EXOC6: variants seen among roughly 807,000 people sequenced by gnomAD.
EXOC6 encodes the protein exocyst complex component 6.
A neutral mutation model predicts 112.5 loss-of-function variants in EXOC6; 60 were observed. The ratio of observed to expected loss-of-function variants is 0.53; its 90% CI spans 0.43 to 0.66. The LOEUF (loss-of-function observed/expected upper bound fraction) is 0.66. EXOC6 is among the 30% of genes least tolerant of loss of function. The pLI is 0.00. For synonymous variants in EXOC6, 295 were observed against 308.0 expected (o/e 0.96, Z 0.44); for missense variants, 855 against 957.1 (o/e 0.89, Z 1.41).
chr10:92,832,069 T>G (rs961352510), upstream of EXOC6, among the ~76,000 whole-genome samples: 1 of 152,238 alleles, frequency 6.6e-6, no homozygotes, highest in Non-Finnish European at 1.5e-5. Context: ...CAATGTAATA[T>G]AGTGATGCTG....
intron 18 of EXOC6, among the ~76,000 whole-genome samples, chr10:92,983,626 T>C (rs970444275): frequency 2.0e-5 from 3 of 151,438 alleles, no homozygotes; most frequent in Non-Finnish European, 4.4e-5. Context: ...TGCCCCAGCC[T>C]CCTGAGTAGC....
intron 1 of EXOC6, among the ~76,000 whole-genome samples, chr10:92,856,104 T>G (rs1847589335): frequency 1.3e-5 from 2 of 152,116 alleles, no homozygotes; most frequent in African/African-American, 2.4e-5. Context: ...CCTCAGGTGA[T>G]CTGCCTGCCT....
chr10:92,903,216 A>ATT (rs946589663), intron 5 of EXOC6, among the ~76,000 whole-genome samples: 7 of 152,214 alleles, frequency 4.6e-5, no homozygotes, highest in Admixed American at 4.6e-4. Flanking sequence ...TTAGCAATGT[A>ATT]TTAATATAAG....
At chr10:93,031,180 G>A (rs1845254113) in intron 20 of EXOC6, among the ~76,000 whole-genome samples, 1 of 151,940 alleles carries the variant, frequency 6.6e-6, no homozygotes, top group Non-Finnish European at 1.5e-5. Context: ...AGGTAAGAGG[G>A]GAAATTTACA....
intron 18 of EXOC6, among the ~76,000 whole-genome samples, chr10:92,991,822 TGGAA>T (rs1843276664): frequency 6.6e-6 from 1 of 151,988 alleles, no homozygotes. Context: ...TGGTAATTGT[TGGAA>T]GGAGAACAAC....
chr10:92,894,119 C>G (rs1849636144), intron 2 of EXOC6, among the ~76,000 whole-genome samples: 1 of 152,038 alleles, frequency 6.6e-6, no homozygotes, highest in African/African-American at 2.4e-5. Context: ...CCTGGTTCAC[C>G]AAAGGTTATG....
chr10:92,983,830 T>C (rs75147054), intron 18 of EXOC6, among the ~76,000 whole-genome samples: 1,624 of 152,282 alleles, frequency 0.011, 34 homozygotes, highest in African/African-American at 0.037. Context: ...AAAATAGTTA[T>C]ACTGTACTTC....
intron 18 of EXOC6, among the ~76,000 whole-genome samples, chr10:92,977,667 G>A (rs1206494394): frequency 6.6e-6 from 1 of 151,760 alleles, no homozygotes; most frequent in East Asian, 1.9e-4. Flanking sequence ...ACACATGTAC[G>A]TGCTTGCAGA....
Position 92,912,033 on chromosome 10 carries a change from G to A in EXOC6, c.663+2402G>A, listed in dbSNP as rs1850815069. Among the ~76,000 whole-genome samples, 3 of 150,616 alleles carry A rather than the reference G, an allele frequency of 2.0e-5. No homozygotes were observed. The South Asian group carries it at 6.3e-4, about 32-fold the overall frequency. ...CATCAGCTGTGCTCAGTTTGGCAGAGTCACAGTTTAGTTCTGGAATCTTCT... is the reference window on the plus strand; with the variant it reads ...CATCAGCTGTGCTCAGTTTGGCAGAATCACAGTTTAGTTCTGGAATCTTCT... On this transcript the variant is annotated intron_variant, in intron 6 of 21. Coordinates refer to ENST00000260762, the MANE Select transcript of EXOC6 (RefSeq NM_019053.6).
chr10:92,867,405 T>A (rs961141661), intron 1 of EXOC6, among the ~76,000 whole-genome samples: 2 of 152,012 alleles, frequency 1.3e-5, no homozygotes, highest in African/African-American at 4.8e-5. Context: ...GTAGAGAGGA[T>A]GGGGGAAGCG....
intron 9 of EXOC6, among the ~76,000 whole-genome samples, chr10:92,931,115 G>GAAAAAAAAAAA: frequency 1.4e-5 from 1 of 70,602 alleles, no homozygotes; most frequent in African/African-American, 5.1e-5. Flanking sequence ...CATCTCAGAA[G>GAAAAAAAAAAA]AAAAAAAAAA....
chr10:92,939,055 T>C (rs141383698), intron 12 of EXOC6, among the ~76,000 whole-genome samples: 229 of 152,130 alleles, frequency 1.5e-3, no homozygotes, highest in Non-Finnish European at 2.9e-3. Flanking sequence ...AACTGTAGAA[T>C]AGCGCTGTGA....
chr10:92,896,976 CT>C (rs1421520728), intron 4 of EXOC6, among the ~76,000 whole-genome samples: 2 of 152,030 alleles, frequency 1.3e-5, no homozygotes, highest in Admixed American at 6.5e-5. Flanking sequence ...AAAATGTTGG[CT>C]TATTATGTTA....
chr10:93,007,055 A>G (rs1244484145), intron 19 of EXOC6, among the ~76,000 whole-genome samples: 1 of 150,990 alleles, frequency 6.6e-6, no homozygotes, highest in African/African-American at 2.4e-5. Flanking sequence ...TACATTGTAA[A>G]CAATCTACAT....
At chr10:92,938,617 A>G (rs902413545) in intron 12 of EXOC6, among the ~76,000 whole-genome samples, 2 of 152,164 alleles carry the variant, frequency 1.3e-5, no homozygotes, top group Non-Finnish European at 2.9e-5. Flanking sequence ...CTATTAGGCA[A>G]ATAACAAGTA....
Position 92,874,569 on chromosome 10 carries a change from T to C in EXOC6, c.102-18780T>C, listed in dbSNP as rs558516356. Among the ~76,000 whole-genome samples the C allele has an allele frequency of 2.0e-5, 3 of 152,298 alleles. No homozygotes were observed. The South Asian group carries it at 6.2e-4, about 32-fold the overall frequency. ...TAATTGTAAGAAATGTGTGTGTGTG[T>C]GTGCACCCCCACACATGCACACCCA... On this transcript the variant is annotated intron_variant, in intron 1 of 21. Transcript: ENST00000260762.
At chr10:92,959,877 G>T (rs1033158482) in intron 17 of EXOC6, among the ~76,000 whole-genome samples, 1 of 152,220 alleles carries the variant, frequency 6.6e-6, no homozygotes, top group Non-Finnish European at 1.5e-5. Context: ...TGACAGGGAT[G>T]TGGAGCAACA....
intron 18 of EXOC6, among the ~76,000 whole-genome samples, chr10:92,988,887 A>C (rs1416863712): frequency 6.6e-6 from 1 of 151,918 alleles, no homozygotes; most frequent in Non-Finnish European, 1.5e-5. Context: ...TGGCATATTC[A>C]TTGTGTCTTG....
intron 20 of EXOC6, 51 bp downstream of exon 20, chr10:93,014,318 C>T (rs1390721778): frequency 2.8e-6 from 4 of 1,416,478 alleles, no homozygotes; most frequent in Non-Finnish European, 3.0e-6. Flanking sequence ...CTCTTGCCCT[C>T]CCCTCACTTT....
Sources: allele counts gnomAD v4.1 joint callset (sites outside exome capture counted in the v4.1 genomes callset), GRCh38; gene constraint gnomAD v4.1.1; transcripts MANE v1.5; gene names NCBI Gene and HGNC (gene_info 2026-07-23, HGNC 2026-07-21).